FAM185A: variants seen among roughly 807,000 people sequenced by gnomAD.
FAM185A encodes the protein protein FAM185A.
A neutral mutation model predicts 45.7 loss-of-function variants in FAM185A; 21 were observed. The observed-to-expected ratio is 0.46, with a 90% CI of 0.33 to 0.66. The LOEUF is 0.66. Ranked by LOEUF, FAM185A falls within the 30% of genes least tolerant of loss-of-function variation. The pLI is 0.03. For missense variants in FAM185A, 305 were observed against 485.4 expected, an observed-to-expected ratio of 0.63 and a Z score of 3.49; for synonymous variants, 117 against 194.0, an observed-to-expected ratio of 0.60 and a Z score of 3.30.
chr7:102,756,491 A>G (rs1793746311), intron 2 of FAM185A, among the ~76,000 whole-genome samples: 1 of 151,526 alleles, frequency 6.6e-6, no homozygotes, highest in African/African-American at 2.4e-5. Context: ...CCCCATCTCT[A>G]CTAAAAATAC....
chr7:102,819,799 G>A, the FAM185A span, among the ~76,000 whole-genome samples: 1 of 152,188 alleles, frequency 6.6e-6, no homozygotes, highest in Non-Finnish European at 1.5e-5. Context: ...GTGAGCATAG[G>A]TAAGGGATTA....
chr7:102,808,147 C>T, intron 7 of FAM185A, 143 bp from the exon 8 acceptor site: 1 of 622,492 alleles, frequency 1.6e-6, no homozygotes, highest in Non-Finnish European at 2.8e-6. Context: ...CAGATAACCT[C>T]TTTGCAACTC....
chr7:102,843,676 TGA>T, the FAM185A span, among the ~76,000 whole-genome samples: 1 of 151,954 alleles, frequency 6.6e-6, no homozygotes, highest in African/African-American at 2.4e-5. Context: ...CTCCAGAGGT[TGA>T]GACAGGAGAA....
the FAM185A span, among the ~76,000 whole-genome samples, chr7:102,838,523 A>T: frequency 1.3e-5 from 2 of 151,778 alleles, no homozygotes; most frequent in African/African-American, 4.8e-5. Context: ...TAGGGAAAAG[A>T]GAGATCAGAC....
At chr7:102,788,209 TC>T (rs1795936280) in intron 7 of FAM185A, among the ~76,000 whole-genome samples, 1 of 152,150 alleles carries the variant, frequency 6.6e-6, no homozygotes, top group South Asian at 2.1e-4. Context: ...CCTCAGGTGA[TC>T]AGCCCACCTC....
At chr7:102,803,140 C>T (rs980909879) in intron 7 of FAM185A, among the ~76,000 whole-genome samples, 2 of 152,070 alleles carry the variant, frequency 1.3e-5, no homozygotes, top group Admixed American at 6.6e-5. Context: ...GACACTATTC[C>T]GCAAGACAGA....
In FAM185A at chr7:102,769,883, C is replaced by T. The variant is rs1039334800; in HGVS notation, c.794-2526C>T. On this transcript the variant is annotated intron_variant, in intron 4 of 7. Transcript: ENST00000413034. ...TAGCTAACCCACTCCCTCTATGACC[C>T]ATTAATCCATTGATTCATGAATGGG... 5.9e-5 allele frequency among the ~76,000 whole-genome samples: 9 copies of T among 151,642 alleles called. 1 individual carries two copies. The highest frequency in any genetic ancestry group is 1.3e-4 in the Non-Finnish European group (9 of 67,942).
rs1015771713 is a variant in FAM185A, at chr7:102,749,050, A to G, written c.-158A>G. 2 of 1,161,240 alleles carry G rather than the reference A, an allele frequency of 1.7e-6. No homozygotes were observed. The highest frequency in any genetic ancestry group is 1.5e-5 in the African/African-American group (1 of 65,868). The allele number at this position is 1,161,240 out of a possible 1,614,324, so 71.9% of individuals were successfully genotyped here. A position where few individuals can be genotyped will look rare whatever the true frequency, so the allele number is the denominator to read the frequency against. On this transcript the variant is annotated 5_prime_UTR_variant, in exon 1 of 8. Transcript: ENST00000413034. ...TGGGGATTGCGCGGCTGATGTTTAG[A>G]ACGCCTAGTCAAGCCAACCGGCTCG...
the FAM185A span, chr7:102,822,220 A>C: frequency 6.2e-7 from 1 of 1,613,248 alleles, no homozygotes; most frequent in Admixed American, 1.7e-5. Context: ...ACAGAGCCAA[A>C]GTAAGTACTG....
At chr7:102,804,298 G>A (rs866250283) in intron 7 of FAM185A, among the ~76,000 whole-genome samples, 62 of 152,032 alleles carry the variant, frequency 4.1e-4, no homozygotes, top group East Asian at 1.5e-3. Context: ...TAAGGCCATC[G>A]TCACCAAAAC....
chr7:102,790,069 T>C (rs911626005), intron 7 of FAM185A, among the ~76,000 whole-genome samples: 2 of 152,050 alleles, frequency 1.3e-5, no homozygotes, highest in Non-Finnish European at 2.9e-5. Context: ...CTGAGGCTGT[T>C]GTATCGTAAC....
intron 4 of FAM185A, among the ~76,000 whole-genome samples, chr7:102,766,303 T>C (rs1212115353): frequency 6.6e-6 from 1 of 152,280 alleles, no homozygotes; most frequent in Non-Finnish European, 1.5e-5. Context: ...CTATTTTAAG[T>C]TCTATGGAAA....
chr7:102,822,530 C>A, the FAM185A span: 81 of 477,970 alleles, frequency 1.7e-4, 3 homozygotes, highest in South Asian at 1.2e-3. Context: ...CTTATGACCT[C>A]TTCTAAATCT....
Position 102,779,242 on chromosome 7 carries a change from C to T in FAM185A, c.931+1894C>T, listed in dbSNP as rs1255295463. ...GTTAAAGAACACAACAAGAGCCCTC[C>T]TTTCTAAAAAAGTTAGTGTTAACGA... On this transcript the variant is annotated intron_variant, in intron 6 of 7. Coordinates refer to ENST00000413034, the MANE Select transcript of FAM185A (RefSeq NM_001145268.2). 1.3e-5 allele frequency among the ~76,000 whole-genome samples: 2 copies of T among 152,150 alleles called. 1 individual carries two copies. The highest frequency in any genetic ancestry group is 3.9e-4 in the East Asian group (2 of 5,184).
At chr7:102,811,933 A>G (rs1797456441), downstream of FAM185A, among the ~76,000 whole-genome samples, 1 of 152,238 alleles carries the variant, frequency 6.6e-6, no homozygotes, top group South Asian at 2.1e-4. Flanking sequence ...TACTAAAAGC[A>G]TTTAGCTAAT....
At chr7:102,760,731 C>G (rs143631950) in intron 3 of FAM185A, among the ~76,000 whole-genome samples, 1 of 151,340 alleles carries the variant, frequency 6.6e-6, no homozygotes, top group East Asian at 1.9e-4. Flanking sequence ...GGGCCTGAGA[C>G]AGATGGTTAA....
downstream of FAM185A, chr7:102,813,439 T>G: frequency 6.2e-7 from 1 of 1,614,134 alleles, no homozygotes. Flanking sequence ...TGTAACAGGG[T>G]TTCCTTCCCT....
At chr7:102,798,564 T>C (rs1002160234) in intron 7 of FAM185A, among the ~76,000 whole-genome samples, 3 of 152,110 alleles carry the variant, frequency 2.0e-5, no homozygotes, top group African/African-American at 7.2e-5. Flanking sequence ...AAATATATTA[T>C]TGGGGAGGTG....
the FAM185A span, among the ~76,000 whole-genome samples, chr7:102,843,132 G>T: frequency 6.6e-6 from 1 of 152,152 alleles, no homozygotes; most frequent in Admixed American, 6.5e-5. Context: ...AAGATTAAGG[G>T]AGAGAAGGAG....
Sources: gnomAD v4.1 joint callset for allele counts (sites outside exome capture counted in the v4.1 genomes callset) on GRCh38, gnomAD v4.1.1 for gene constraint, MANE v1.5 for transcripts, NCBI Gene and HGNC (gene_info 2026-07-23, HGNC 2026-07-21) for gene names.